The following PM20D2 variants were observed in gnomAD, a reference collection of about 807,000 sequenced individuals.
PM20D2 encodes the protein xaa-Arg dipeptidase.
Under a neutral mutation model 42.9 loss-of-function variants are expected in PM20D2, and 33 were observed. The ratio of observed to expected loss-of-function variants is 0.77; its 90% CI spans 0.58 to 1.03. The LOEUF is 1.03. PM20D2 is among the 50% of genes least tolerant of loss of function. The pLI is 0.00. For missense variants in PM20D2, 548 were observed against 557.0 expected (o/e 0.98, Z 0.16); for synonymous variants, 250 against 228.2 (o/e 1.10, Z -0.86).
chr6:89,159,174 T>C (rs1736144426), intron 5 of PM20D2, among the ~76,000 whole-genome samples: 1 of 152,284 alleles, frequency 6.6e-6, no homozygotes, highest in South Asian at 2.1e-4. Context: ...ATGTCTAGTT[T>C]GGAGATTTAG....
chr6:89,146,721 C>A, intron 1 of PM20D2, 112 bp downstream of exon 1: 1 of 901,758 alleles, frequency 1.1e-6, no homozygotes. Context: ...CCGCCCGGGG[C>A]AGGTGTGTGT....
chr6:89,119,270 A>G, the PM20D2 span, among the ~76,000 whole-genome samples: 1 of 152,230 alleles, frequency 6.6e-6, no homozygotes, highest in Non-Finnish European at 1.5e-5. Flanking sequence ...GTAAAGATAC[A>G]AACTATAATA....
At chr6:89,160,466 C>G (rs1238679372) in intron 5 of PM20D2, among the ~76,000 whole-genome samples, 1 of 152,202 alleles carries the variant, frequency 6.6e-6, no homozygotes, top group Non-Finnish European at 1.5e-5. Flanking sequence ...TTCCTTTATT[C>G]TCTTACCAAT....
chr6:89,126,975 G>A, the PM20D2 span, among the ~76,000 whole-genome samples: 2 of 152,066 alleles, frequency 1.3e-5, no homozygotes, highest in East Asian at 1.9e-4. Context: ...GTAGCAATAA[G>A]AACAATAACT....
At chr6:89,101,091 A>G in the PM20D2 span, among the ~76,000 whole-genome samples, 1 of 151,674 alleles carries the variant, frequency 6.6e-6, no homozygotes, top group African/African-American at 2.4e-5. Flanking sequence ...CCTGGGCAAC[A>G]AGAGAAAACC....
chr6:89,114,845 G>A, the PM20D2 span, among the ~76,000 whole-genome samples: 1 of 152,134 alleles, frequency 6.6e-6, no homozygotes, highest in African/African-American at 2.4e-5. Context: ...CGCCCAGGCT[G>A]GAGTGCAATG....
the PM20D2 span, among the ~76,000 whole-genome samples, chr6:89,104,482 C>T: frequency 4.6e-5 from 7 of 152,034 alleles, no homozygotes; most frequent in Non-Finnish European, 1.0e-4. Flanking sequence ...GAGATCTGCC[C>T]ACCTCAGCCT....
At chr6:89,099,534 ACAT>A in the PM20D2 span, among the ~76,000 whole-genome samples, 1 of 109,732 alleles carries the variant, frequency 9.1e-6, no homozygotes, top group African/African-American at 3.7e-5. Context: ...ACACACACAT[ACAT>A]GTTTTTTTTT....
the PM20D2 span, among the ~76,000 whole-genome samples, chr6:89,120,130 G>A: frequency 6.6e-6 from 1 of 152,282 alleles, no homozygotes; most frequent in African/African-American, 2.4e-5. Context: ...ATGGGGAACT[G>A]CCCCCATGAT....
At chr6:89,108,214 C>G in the PM20D2 span, among the ~76,000 whole-genome samples, 4 of 152,164 alleles carry the variant, frequency 2.6e-5, no homozygotes, top group Non-Finnish European at 5.9e-5. Flanking sequence ...CTTCATGGAG[C>G]TACAATTTAA....
intron 5 of PM20D2, among the ~76,000 whole-genome samples, chr6:89,158,767 T>C (rs548803982): frequency 3.9e-5 from 6 of 152,232 alleles, no homozygotes; most frequent in Non-Finnish European, 8.8e-5. Flanking sequence ...TATAGAATTT[T>C]AATTCATTCT....
the PM20D2 span, chr6:89,098,976 T>G: frequency 6.4e-7 from 1 of 1,571,392 alleles, no homozygotes; most frequent in Non-Finnish European, 8.6e-7. Context: ...TTAGAGCATA[T>G]ATTTCACACA....
At chr6:89,129,623 C>G in the PM20D2 span, among the ~76,000 whole-genome samples, 1 of 141,456 alleles carries the variant, frequency 7.1e-6, no homozygotes, top group Non-Finnish European at 1.5e-5. Context: ...GAGAGGGTCC[C>G]ACTCTGTTGT....
upstream of PM20D2, among the ~76,000 whole-genome samples, chr6:89,144,197 G>C (rs1373945416): frequency 8.9e-6 from 1 of 112,084 alleles, no homozygotes; most frequent in Non-Finnish European, 1.6e-5. Context: ...ACAAGGAACA[G>C]AGCTTGAAAT....
At chr6:89,148,537 C>T (rs1770688712) in intron 1 of PM20D2, 5 of 983,224 alleles carry the variant, frequency 5.1e-6, no homozygotes, top group Non-Finnish European at 6.0e-6. Flanking sequence ...GTTTGGTGAC[C>T]AATAAATCTG....
chr6:89,124,733 G>T, the PM20D2 span, among the ~76,000 whole-genome samples: 24 of 79,600 alleles, frequency 3.0e-4, no homozygotes, highest in Non-Finnish European at 4.1e-4. Context: ...TGTTGCTGTT[G>T]TTGTTTTTTT....
intron 1 of PM20D2, among the ~76,000 whole-genome samples, chr6:89,147,946 CA>C (rs1223316249): frequency 2.1e-5 from 3 of 143,146 alleles, no homozygotes; most frequent in Admixed American, 1.4e-4. Context: ...GTAGAACCGC[CA>C]AAAAAAAGCT....
Position 89,146,550 on chromosome 6 carries a change from G to A in PM20D2, c.406G>A (p.Ala136Thr), listed in dbSNP as rs1770567261. ...HNLIAEVGAA[A>T]ALGVRGALEG... is the part of the protein sequence containing the mutation. ...CCTCATCGCTGAGGTCGGGGCGGCG[G>A]CCGCGCTGGGCGTGAGGGGGGCCTT... The change falls in exon 1 of 7, where the codon GCC becomes ACC. Residue 136 changes from alanine to threonine, a missense_variant. Ala to Thr is a moderately conservative substitution (Grantham distance 58). This residue lies in a region of PM20D2 where 470 missense variants were observed against 464.4 expected (regional missense o/e 1.01). Transcript: ENST00000275072. 2 of 1,497,550 alleles carry A rather than the reference G, an allele frequency of 1.3e-6. No individual in the cohort carries two copies. Among genetic ancestry groups the A allele is most frequent in the Non-Finnish European group, 1.8e-6 (2 of 1,131,160 alleles). The allele number at this position is 1,497,550 out of a possible 1,614,324, so 92.8% of individuals were successfully genotyped here.
chr6:89,113,612 A>G, the PM20D2 span, among the ~76,000 whole-genome samples: 1 of 152,054 alleles, frequency 6.6e-6, no homozygotes, highest in Non-Finnish European at 1.5e-5. Context: ...CCAGGCCCCA[A>G]AGATTTTGTT....
Sources: allele counts gnomAD v4.1 joint callset (sites outside exome capture counted in the v4.1 genomes callset), GRCh38; gene constraint gnomAD v4.1.1; regional missense constraint gnomAD v4.1.1; transcripts MANE v1.5; gene names NCBI Gene and HGNC (gene_info 2026-07-23, HGNC 2026-07-21).